The following INPP4B variants were observed in gnomAD, a reference collection of about 807,000 sequenced individuals.
INPP4B encodes the protein inositol polyphosphate 4-phosphatase type II.
A neutral mutation model predicts 122.5 loss-of-function variants in INPP4B; 55 were observed. The observed-to-expected ratio is 0.45, with a 90% CI of 0.36 to 0.56. The LOEUF is 0.56. Among genes scored for constraint, INPP4B ranks in the 20% least tolerant of loss-of-function variants. The pLI is 0.00. For synonymous variants in INPP4B, 403 were observed against 388.7 expected (o/e 1.04, Z -0.43); for missense variants, 1,000 against 1,097.7 (o/e 0.91, Z 1.26).
chr4:142,602,470 A>C (rs1401015618), intron 2 of INPP4B, among the ~76,000 whole-genome samples: 1 of 152,220 alleles, frequency 6.6e-6, no homozygotes, highest in African/African-American at 2.4e-5. Context: ...AGAATTAGAA[A>C]AAACTATTTT....
intron 25 of INPP4B, among the ~76,000 whole-genome samples, chr4:142,061,622 T>C (rs1345979948): frequency 6.6e-6 from 1 of 151,900 alleles, no homozygotes; most frequent in Non-Finnish European, 1.5e-5. Flanking sequence ...AAAATTAATA[T>C]TAAATTTAGT....
At chr4:142,827,893 G>T (rs1781635708) in intron 1 of INPP4B, among the ~76,000 whole-genome samples, 1 of 152,124 alleles carries the variant, frequency 6.6e-6, no homozygotes, top group Non-Finnish European at 1.5e-5. Flanking sequence ...CCCACATAAA[G>T]ATTATGGTAG....
At chr4:142,348,777 C>T (rs900554297) in intron 7 of INPP4B, among the ~76,000 whole-genome samples, 7 of 152,098 alleles carry the variant, frequency 4.6e-5, no homozygotes, top group African/African-American at 1.7e-4. Context: ...AGAAGGTTAT[C>T]AGAGCAAAAC....
chr4:142,527,143 T>G (rs13141068), intron 2 of INPP4B, among the ~76,000 whole-genome samples: 6,060 of 151,996 alleles, frequency 0.04, 139 homozygotes, highest in Middle Eastern at 0.11. Flanking sequence ...TAGCAATGAT[T>G]TTATCTTGGT....
At chr4:142,134,797 CAAAAAAAAAAA>C (rs58297348) in intron 18 of INPP4B, among the ~76,000 whole-genome samples, 30 of 51,312 alleles carry the variant, frequency 5.8e-4, no homozygotes, top group African/African-American at 1.2e-3. Context: ...AACTCTGTCT[CAAAAAAAAAAA>C]AAAAAAAAAA....
intron 2 of INPP4B, among the ~76,000 whole-genome samples, chr4:142,635,642 T>A (rs1348868984): frequency 6.6e-6 from 1 of 152,106 alleles, no homozygotes; most frequent in Admixed American, 6.6e-5. Flanking sequence ...CACTTGTCAA[T>A]AGGAGCTAAA....
chr4:142,116,052 G>C (rs1259763347), intron 21 of INPP4B, among the ~76,000 whole-genome samples: 1 of 152,010 alleles, frequency 6.6e-6, no homozygotes, highest in Non-Finnish European at 1.5e-5. Context: ...ACAAAGATCA[G>C]AAGAGACAAA....
intron 25 of INPP4B, among the ~76,000 whole-genome samples, chr4:142,080,177 T>C (rs1166315766): frequency 6.6e-6 from 1 of 152,094 alleles, no homozygotes; most frequent in African/African-American, 2.4e-5. Flanking sequence ...CTAACTTGCC[T>C]ATGGGTAATG....
In INPP4B at chr4:142,188,518, A is replaced by AT. The variant is rs1363710453; in HGVS notation, c.1181+4568_1181+4569insA. The stretch of plus-strand genomic sequence containing the variant: ...AAAAAAAAAAAAAAAAAAGAAAAAA[A>AT]ATATATATAGCTTGACTTATGAGTT... On this transcript the variant is annotated intron_variant, in intron 15 of 25. Transcript: ENST00000262992. Among the ~76,000 whole-genome samples the AT allele has an allele frequency of 6.3e-3, 661 of 105,116 alleles. 120 individuals carry two copies. Among genetic ancestry groups the AT allele is most frequent in the Non-Finnish European group, 8.9e-3 (474 of 53,206 alleles). The allele number at this position is 105,116 out of a possible 152,430, so 69.0% of individuals were successfully genotyped here. A position where few individuals can be genotyped will look rare whatever the true frequency, so the allele number is the denominator to read the frequency against.
intron 25 of INPP4B, among the ~76,000 whole-genome samples, chr4:142,044,174 A>G (rs758183505): frequency 1.3e-5 from 2 of 152,170 alleles, no homozygotes; most frequent in African/African-American, 2.4e-5. Context: ...TTAGTTAGAT[A>G]TAGATAATAA....
rs536961657 is a variant in INPP4B, at chr4:142,055,216, A to G, written c.2643-26302T>C. Reference sequence around the variant, plus strand: ...ACGCTTTTCAATAGTGTGATACATTAAAGTTTGATGGTTAAATAAACCACT... The same window carrying G: ...ACGCTTTTCAATAGTGTGATACATTGAAGTTTGATGGTTAAATAAACCACT... On this transcript the variant is annotated intron_variant, in intron 25 of 25. Transcript: ENST00000262992. Among the ~76,000 whole-genome samples, 3 of 152,244 alleles carry G rather than the reference A, an allele frequency of 2.0e-5. No homozygotes were observed. The East Asian group carries it at 5.8e-4, about 29-fold the overall frequency.
At chr4:142,277,668 T>TAC (rs1554024538) in intron 9 of INPP4B, among the ~76,000 whole-genome samples, 12 of 101,648 alleles carry the variant, frequency 1.2e-4, no homozygotes, top group African/African-American at 3.5e-4. Flanking sequence ...GAAAATATCA[T>TAC]ACACACACAC....
At chr4:142,345,795 G>C (rs116754667) in intron 7 of INPP4B, among the ~76,000 whole-genome samples, 1 of 151,950 alleles carries the variant, frequency 6.6e-6, no homozygotes, top group Non-Finnish European at 1.5e-5. Context: ...AAAGAAAATA[G>C]AGGGTTTATG....
At chr4:142,555,008 G>A (rs1053530534) in intron 2 of INPP4B, among the ~76,000 whole-genome samples, 1 of 152,166 alleles carries the variant, frequency 6.6e-6, no homozygotes, top group African/African-American at 2.4e-5. Flanking sequence ...AAGGGCCTGG[G>A]GGATGGCAAG....
intron 8 of INPP4B, among the ~76,000 whole-genome samples, chr4:142,307,707 T>C (rs1220983353): frequency 1.3e-5 from 2 of 152,230 alleles, no homozygotes; most frequent in African/African-American, 4.8e-5. Flanking sequence ...CGATCTTACT[T>C]TCTCCTTCAC....
At chr4:142,604,795 C>T (rs770379802) in intron 2 of INPP4B, among the ~76,000 whole-genome samples, 29 of 151,920 alleles carry the variant, frequency 1.9e-4, no homozygotes, top group Non-Finnish European at 4.1e-4. Flanking sequence ...CCATACTTCC[C>T]AAGCCATCTA....
chr4:142,750,187 A>T (rs1769456514), intron 1 of INPP4B, among the ~76,000 whole-genome samples: 1 of 152,124 alleles, frequency 6.6e-6, no homozygotes, highest in Non-Finnish European at 1.5e-5. Flanking sequence ...ACTTTGATAT[A>T]TAGAATATCA....
intron 18 of INPP4B, among the ~76,000 whole-genome samples, chr4:142,143,638 G>A (rs1392998251): frequency 6.6e-6 from 1 of 151,854 alleles, no homozygotes; most frequent in Admixed American, 6.6e-5. Flanking sequence ...TATAAAAAAT[G>A]GATAAATAAA....
At chr4:142,139,261 T>A (rs1806424963) in intron 18 of INPP4B, among the ~76,000 whole-genome samples, 1 of 152,136 alleles carries the variant, frequency 6.6e-6, no homozygotes, top group Admixed American at 6.5e-5. Flanking sequence ...CTGAACTATT[T>A]TATATATAAT....
Sources: allele counts gnomAD v4.1 joint callset (sites outside exome capture counted in the v4.1 genomes callset), GRCh38; gene constraint gnomAD v4.1.1; transcripts MANE v1.5; gene names NCBI Gene and HGNC (gene_info 2026-07-23, HGNC 2026-07-21).